Variants in RORA observed in about 807,000 individuals in gnomAD.
The protein encoded by RORA is nuclear receptor ROR-alpha.
A neutral mutation model predicts 69.5 loss-of-function variants in RORA; 7 were observed. That is an observed-to-expected ratio of 0.10 (90% CI 0.06 to 0.19). The LOEUF is 0.19. RORA is among the 10% of genes least tolerant of loss of function. RORA has a pLI of 1.00. For synonymous variants in RORA, 261 were observed against 240.8 expected (o/e 1.08, Z -0.78); for missense variants, 457 against 663.0 (o/e 0.69, Z 3.41).
At chr15:60,743,664 T>G (rs2071608622) in intron 1 of RORA, among the ~76,000 whole-genome samples, 1 of 152,224 alleles carries the variant, frequency 6.6e-6, no homozygotes, top group South Asian at 2.1e-4. Context: ...GGTGAGTGGA[T>G]CTGCCAATCT....
intron 1 of RORA, among the ~76,000 whole-genome samples, chr15:60,923,888 T>C (rs908169575): frequency 2.6e-5 from 4 of 151,978 alleles, no homozygotes; most frequent in Non-Finnish European, 4.4e-5. Flanking sequence ...GAAGCTGGAG[T>C]GGGCAAGGGC....
chr15:60,545,170 T>G lies in RORA; in HGVS notation c.197-13319A>C, dbSNP rs539236069. On this transcript the variant is annotated intron_variant, in intron 2 of 10. Coordinates refer to ENST00000335670, the MANE Select transcript of RORA (RefSeq NM_134261.3). ...AAGAAATTGAGTTAAAAAAAGAAAATTAAAGTTTAGAAAAAAATCATTTGA... is the reference window on the plus strand; with the variant it reads ...AAGAAATTGAGTTAAAAAAAGAAAAGTAAAGTTTAGAAAAAAATCATTTGA... 5.3e-5 allele frequency: 8 copies of G among 152,230 alleles called. No individual in the cohort carries two copies. The South Asian group carries it at 1.5e-3, about 28-fold the overall frequency. 9.4% of individuals were successfully genotyped at this position (152,230 alleles called of 1,614,324 possible).
At chr15:60,782,877 T>C (rs2140340284) in intron 1 of RORA, among the ~76,000 whole-genome samples, 1 of 152,358 alleles carries the variant, frequency 6.6e-6, no homozygotes, top group East Asian at 1.9e-4. Flanking sequence ...GCTATAGGCA[T>C]TGAGTTAAAC....
chr15:60,803,029 T>A (rs116597574), intron 1 of RORA, among the ~76,000 whole-genome samples: 2,166 of 152,338 alleles, frequency 0.014, 61 homozygotes, highest in African/African-American at 0.048. Context: ...GAAAGATGCC[T>A]CAATTTTTTG....
chr15:60,746,778 G>A (rs1223072379), intron 1 of RORA, among the ~76,000 whole-genome samples: 4 of 152,154 alleles, frequency 2.6e-5, no homozygotes, highest in Non-Finnish European at 5.9e-5. Flanking sequence ...CCTCAAATAT[G>A]TGGTCATAAA....
chr15:60,841,155 C>T (rs2073192407), intron 1 of RORA: 1 of 779,268 alleles, frequency 1.3e-6, no homozygotes, highest in African/African-American at 1.9e-5. Flanking sequence ...CACGCCATCC[C>T]ACAGCTGACA....
intron 1 of RORA, among the ~76,000 whole-genome samples, chr15:61,042,878 C>T (rs1187906815): frequency 6.6e-6 from 1 of 152,088 alleles, no homozygotes; most frequent in Admixed American, 6.6e-5. Context: ...GCAAAGACAC[C>T]CAGACTCTCC....
At chr15:61,049,531 A>C (rs549903539) in intron 1 of RORA, among the ~76,000 whole-genome samples, 2 of 152,336 alleles carry the variant, frequency 1.3e-5, no homozygotes, top group African/African-American at 4.8e-5. Context: ...AGCATTTCTA[A>C]CTGGTAGCAT....
rs570356157 is a variant in RORA, at chr15:60,889,550, T to C, written c.167-210864A>G. On this transcript the variant is annotated intron_variant, in intron 1 of 10. Transcript: ENST00000335670. ...TTGTACGAAGGCAAAGGCTGAACAG[T>C]TGGGGAGAGCGACAGTTGGAGAGAA... Among the ~76,000 whole-genome samples the C allele has an allele frequency of 1.1e-4, 16 of 152,216 alleles. No individual in the cohort carries two copies. The South Asian group carries it at 1.3e-3, about 12-fold the overall frequency.
At position 60,673,021 on chromosome 15, in the gene RORA, C is replaced by T. The variant is rs145136998; in HGVS notation, c.196+5636G>A. Among the ~76,000 whole-genome samples, 268 of 152,268 alleles carry T rather than the reference C, an allele frequency of 1.8e-3. 2 individuals are homozygous for T. In the Middle Eastern group the frequency reaches 0.02, roughly 12 times the overall value. ...CAAGTCCACACCAATCCCTCGTAGG[C>T]TAGGCATGTTTGTTTTCTCCCTGGT... On this transcript the variant is annotated intron_variant, in intron 2 of 10. Coordinates refer to ENST00000335670, the MANE Select transcript of RORA (RefSeq NM_134261.3).
intron 1 of RORA, among the ~76,000 whole-genome samples, chr15:60,773,502 C>G (rs1484901757): frequency 3.9e-5 from 6 of 152,002 alleles, no homozygotes; most frequent in Non-Finnish European, 7.4e-5. Context: ...TACTTTTTAC[C>G]AATCCTGATT....
chr15:60,501,500 A>G (rs191896087), intron 8 of RORA, among the ~76,000 whole-genome samples: 4 of 152,330 alleles, frequency 2.6e-5, no homozygotes, highest in African/African-American at 9.6e-5. Flanking sequence ...AGAGGAAAGT[A>G]ATGCACCTAA....
At chr15:60,628,418 C>T (rs1003251520) in intron 2 of RORA, among the ~76,000 whole-genome samples, 5 of 152,046 alleles carry the variant, frequency 3.3e-5, no homozygotes, top group South Asian at 2.1e-4. Context: ...CAGGCTGCAG[C>T]GCTGTGGCAC....
intron 1 of RORA, among the ~76,000 whole-genome samples, chr15:60,736,271 A>G (rs1275682406): frequency 6.6e-6 from 1 of 152,166 alleles, no homozygotes; most frequent in Admixed American, 6.5e-5. Flanking sequence ...CAGTTGGTAC[A>G]GGAACCTAAG....
chr15:61,177,829 G>T (rs1051805283), intron 1 of RORA, among the ~76,000 whole-genome samples: 36 of 151,986 alleles, frequency 2.4e-4, no homozygotes, highest in African/African-American at 8.7e-4. Flanking sequence ...AAGTGTGGTG[G>T]CATGTGCCTG....
chr15:60,857,805 T>C (rs1268933842), intron 1 of RORA, among the ~76,000 whole-genome samples: 3 of 152,238 alleles, frequency 2.0e-5, no homozygotes, highest in Non-Finnish European at 4.4e-5. Context: ...CTTTGGTTTC[T>C]GAGGCAAAAT....
At chr15:60,609,974 A>T (rs943518349) in intron 2 of RORA, among the ~76,000 whole-genome samples, 7 of 152,198 alleles carry the variant, frequency 4.6e-5, no homozygotes, top group African/African-American at 1.7e-4. Context: ...CCAGGGACTG[A>T]TGTGATCAGC....
chr15:60,554,007 C>T (rs759905719), intron 2 of RORA, among the ~76,000 whole-genome samples: 4 of 152,074 alleles, frequency 2.6e-5, no homozygotes, highest in East Asian at 1.9e-4. Context: ...CTTTTTCTCC[C>T]GTTAACCTGT....
intron 1 of RORA, among the ~76,000 whole-genome samples, chr15:61,217,364 G>C (rs1448755323): frequency 6.6e-6 from 1 of 152,128 alleles, no homozygotes; most frequent in East Asian, 1.9e-4. Context: ...TAACAAACAG[G>C]AGTCTGGGAG....
Sources: allele counts gnomAD v4.1 joint callset (sites outside exome capture counted in the v4.1 genomes callset), GRCh38; gene constraint gnomAD v4.1.1; transcripts MANE v1.5; gene names NCBI Gene and HGNC (gene_info 2026-07-23, HGNC 2026-07-21).